NHERF1: variants seen among roughly 807,000 people sequenced by gnomAD.
NHERF1 encodes the protein Na(+)/H(+) exchange regulatory cofactor NHE-RF1.
chr17:74,756,088 T>C, the NHERF1 span, among the ~76,000 whole-genome samples: 1 of 147,670 alleles, frequency 6.8e-6, no homozygotes, highest in Non-Finnish European at 1.5e-5. Flanking sequence ...CAAGTAGCTG[T>C]GCACCACCAC....
the NHERF1 span, chr17:74,763,420 C>G: frequency 8.6e-4 from 1,385 of 1,614,016 alleles, 1 homozygote; most frequent in Non-Finnish European, 1.1e-3. Context: ...TGTCCGCCAT[C>G]AGGGCTGGCG....
At chr17:74,756,844 G>C in the NHERF1 span, among the ~76,000 whole-genome samples, 1 of 148,404 alleles carries the variant, frequency 6.7e-6, no homozygotes, top group Non-Finnish European at 1.5e-5. Flanking sequence ...CTAACACATA[G>C]TAGGTGTTCA....
the NHERF1 span, chr17:74,748,659 G>C: frequency 0.42 from 241,703 of 577,784 alleles, 51,290 homozygotes; most frequent in Admixed American, 0.48. This position sits in a 1 kb window ranked among gnomAD's most constrained non-coding sequence, Gnocchi z 4.3. Flanking sequence ...TTGGTCTGTG[G>C]TCCTCTCTCG....
At chr17:74,753,610 C>T in the NHERF1 span, among the ~76,000 whole-genome samples, 5 of 152,224 alleles carry the variant, frequency 3.3e-5, no homozygotes, top group African/African-American at 1.2e-4. Flanking sequence ...GCTTCCTGGC[C>T]GGGCGCAGTG....
At chr17:74,751,898 A>G in the NHERF1 span, among the ~76,000 whole-genome samples, 3 of 152,220 alleles carry the variant, frequency 2.0e-5, no homozygotes, top group African/African-American at 4.8e-5. This position sits in a 1 kb window ranked among gnomAD's most constrained non-coding sequence, Gnocchi z 4.3. Flanking sequence ...GTTGGGGGTT[A>G]TGGCAGCTAC....
the NHERF1 span, chr17:74,749,002 G>T: frequency 6.2e-7 from 1 of 1,609,566 alleles, no homozygotes; most frequent in Non-Finnish European, 8.5e-7. The surrounding 1 kb of genome is among the most constrained non-coding windows in gnomAD (Gnocchi z 5.6). Flanking sequence ...AGAAGGCGGG[G>T]CTGCTGGCGG....
the NHERF1 span, chr17:74,768,595 G>A: frequency 6.2e-7 from 1 of 1,613,992 alleles, no homozygotes; most frequent in Non-Finnish European, 8.5e-7. Context: ...CAGAAACGCA[G>A]CAGCAAACGG....
At chr17:74,765,823 G>A in the NHERF1 span, among the ~76,000 whole-genome samples, 3 of 151,958 alleles carry the variant, frequency 2.0e-5, no homozygotes, top group African/African-American at 7.3e-5. Flanking sequence ...AAGTGCTGGG[G>A]TCCCAGTCAT....
chr17:74,752,308 T>C, the NHERF1 span, among the ~76,000 whole-genome samples: 1 of 151,824 alleles, frequency 6.6e-6, no homozygotes, highest in South Asian at 2.1e-4. Flanking sequence ...AGTTATATGC[T>C]GTTCCATGGC....
At chr17:74,768,770 T>G in the NHERF1 span, 3 of 851,058 alleles carry the variant, frequency 3.5e-6, no homozygotes, top group Non-Finnish European at 5.6e-6. Context: ...CCACATCCCC[T>G]TTCTTGACAA....
the NHERF1 span, among the ~76,000 whole-genome samples, chr17:74,755,065 A>AC: frequency 1.2e-4 from 19 of 152,108 alleles, no homozygotes; most frequent in Admixed American, 5.2e-4. Flanking sequence ...TTGGAACCCA[A>AC]CCCTCTGACT....
At chr17:74,763,320 A>G in the NHERF1 span, 11 of 1,581,614 alleles carry the variant, frequency 7.0e-6, no homozygotes, top group Middle Eastern at 2.0e-4. Context: ...TACCTGCCCC[A>G]GAACCAAGGC....
the NHERF1 span, chr17:74,768,308 A>C: frequency 1.1e-5 from 15 of 1,395,280 alleles, no homozygotes; most frequent in Non-Finnish European, 1.5e-5. Flanking sequence ...TGTTCCTGGC[A>C]CACCAGCCTG....
the NHERF1 span, chr17:74,767,866 G>A: frequency 2.0e-6 from 1 of 507,822 alleles, no homozygotes; most frequent in Non-Finnish European, 3.7e-6. Flanking sequence ...AGCCACATTG[G>A]AGTGGCCCAG....
At chr17:74,760,826 A>G in the NHERF1 span, among the ~76,000 whole-genome samples, 3 of 152,176 alleles carry the variant, frequency 2.0e-5, no homozygotes, top group Non-Finnish European at 4.4e-5. This position sits in a 1 kb window ranked among gnomAD's most constrained non-coding sequence, Gnocchi z 4.5. Flanking sequence ...AGTCAGAATG[A>G]TCCATAAATG....
At chr17:74,752,831 C>T in the NHERF1 span, among the ~76,000 whole-genome samples, 1 of 152,268 alleles carries the variant, frequency 6.6e-6, no homozygotes, top group Non-Finnish European at 1.5e-5. Context: ...TTTTTCTCCA[C>T]TACGTGGTAA....
At chr17:74,768,726 A>G in the NHERF1 span, 7 of 1,368,604 alleles carry the variant, frequency 5.1e-6, no homozygotes, top group Non-Finnish European at 7.3e-6. Context: ...CCTTCTCCCC[A>G]ATTACTCCCC....
At chr17:74,767,868 G>T in the NHERF1 span, 1 of 511,822 alleles carries the variant, frequency 2.0e-6, no homozygotes. Flanking sequence ...CCACATTGGA[G>T]TGGCCCAGGG....
chr17:74,762,521 A>C, the NHERF1 span, among the ~76,000 whole-genome samples: 1 of 151,968 alleles, frequency 6.6e-6, no homozygotes, highest in Non-Finnish European at 1.5e-5. This position sits in a 1 kb window ranked among gnomAD's most constrained non-coding sequence, Gnocchi z 4.2. Flanking sequence ...GGGTGGCAGT[A>C]ACAAAACCCC....
Sources: allele counts gnomAD v4.1 joint callset (sites outside exome capture counted in the v4.1 genomes callset), GRCh38; gene constraint gnomAD v4.1.1; non-coding constraint Gnocchi (gnomAD v3.1); transcripts MANE v1.5; gene names NCBI Gene and HGNC (gene_info 2026-07-23, HGNC 2026-07-21).